The following SP140L variants were observed in gnomAD, a reference collection of about 807,000 sequenced individuals.
SP140L encodes SP140 like nuclear body protein.
SP140L carries 64 observed loss-of-function variants against 84.3 expected under a neutral mutation model. The ratio of observed to expected loss-of-function variants is 0.76; its 90% confidence interval spans 0.62 to 0.94. The LOEUF is 0.94. Among genes scored for constraint, SP140L ranks in the 40% least tolerant of loss-of-function variants. The pLI, the probability that SP140L is intolerant of heterozygous loss-of-function variation, is 0.00. For missense variants in SP140L, 628 were observed against 692.5 expected, an observed-to-expected ratio of 0.91 and a Z score of 1.05; for synonymous variants, 242 against 236.9, an observed-to-expected ratio of 1.02 and a Z score of -0.20.
chr2:230,346,024 G>T (rs1269000178), intron 2 of SP140L, among the ~76,000 whole-genome samples: 1 of 152,128 alleles, frequency 6.6e-6, no homozygotes, highest in Non-Finnish European at 1.5e-5. Context: ...ATTGCAGCTT[G>T]AAGAACTAGA....
chr2:230,402,672 A>G (rs888991206), intron 18 of SP140L, 126 bp from the exon 19 acceptor site: 4 of 712,730 alleles, frequency 5.6e-6, no homozygotes, highest in Admixed American at 6.3e-5. Context: ...AATACATACC[A>G]TTATAAATTG....
chr2:230,388,806 A>T (rs2061691163), intron 10 of SP140L, 173 bp downstream of exon 10: 1 of 640,316 alleles, frequency 1.6e-6, no homozygotes, highest in Admixed American at 3.7e-5. Flanking sequence ...GAAAGAAGGA[A>T]GTAAGTTGGT....
At chr2:230,351,657 G>A (rs938913628) in intron 2 of SP140L, among the ~76,000 whole-genome samples, 1 of 151,572 alleles carries the variant, frequency 6.6e-6, no homozygotes, top group African/African-American at 2.4e-5. Flanking sequence ...TTTTATCCAG[G>A]TTTTTTTTCG....
intron 1 of SP140L, among the ~76,000 whole-genome samples, 171 bp downstream of exon 1, chr2:230,327,472 T>C (rs1338664851): frequency 6.6e-6 from 1 of 152,238 alleles, no homozygotes; most frequent in Non-Finnish European, 1.5e-5. Context: ...ATCAGATTTT[T>C]ACAACTGCAG....
At chr2:230,370,730 T>C (rs2061037571) in intron 5 of SP140L, among the ~76,000 whole-genome samples, 178 bp from the exon 6 acceptor site, 1 of 151,560 alleles carries the variant, frequency 6.6e-6, no homozygotes, top group East Asian at 1.9e-4. Flanking sequence ...GAGTCAAATA[T>C]AGGGAGGAGA....
chr2:230,374,461 G>A (rs58931874), intron 7 of SP140L, among the ~76,000 whole-genome samples: 3,916 of 152,296 alleles, frequency 0.026, 181 homozygotes, highest in African/African-American at 0.089. Context: ...GAAAGATGCT[G>A]TGAACATTGT....
At chr2:230,379,825 G>A (rs976812946) in intron 7 of SP140L, among the ~76,000 whole-genome samples, 16 of 152,090 alleles carry the variant, frequency 1.1e-4, no homozygotes, top group African/African-American at 3.6e-4. Context: ...TTCTTTTATT[G>A]TAACTATAAC....
intron 2 of SP140L, among the ~76,000 whole-genome samples, chr2:230,335,694 G>A (rs2059850523): frequency 6.6e-6 from 1 of 152,170 alleles, no homozygotes; most frequent in Non-Finnish European, 1.5e-5. Context: ...ACTAATGTCA[G>A]ATGGGAGAGA....
At chr2:230,387,741 A>G (rs1259396202) in intron 9 of SP140L, among the ~76,000 whole-genome samples, 1 of 152,206 alleles carries the variant, frequency 6.6e-6, no homozygotes, top group East Asian at 1.9e-4. Context: ...ACTCACAGCC[A>G]ATTAACATGC....
intron 13 of SP140L, among the ~76,000 whole-genome samples, chr2:230,395,698 T>C (rs995924735): frequency 6.6e-6 from 1 of 152,234 alleles, no homozygotes; most frequent in East Asian, 1.9e-4. Flanking sequence ...ACCTCTCAGG[T>C]GCTTGTGCTT....
At chr2:230,400,727 A>C (rs2062291823) in intron 15 of SP140L, 9 of 981,466 alleles carry the variant, frequency 9.2e-6, no homozygotes, top group Admixed American at 4.9e-5. Flanking sequence ...GTCCCCACTC[A>C]CGGTGACACC....
Position 230,327,321 on chromosome 2 carries a change from C to G in SP140L, c.32+20C>G. On this transcript the variant is annotated intron_variant, in intron 1 of 18. Transcript: ENST00000415673. ...CACCAGGTGAGTCTTTATCTCTCTT[C>G]CTTTCACCTTTATCTCTGGCAGTAT... is the stretch of plus-strand genomic sequence containing the variant. 1 of 1,606,734 alleles carries G rather than the reference C, an allele frequency of 6.2e-7. No homozygotes were observed. The highest frequency in any genetic ancestry group is 8.5e-7 in the Non-Finnish European group (1 of 1,176,502).
chr2:230,389,402 A>G lies in SP140L; in HGVS notation c.860-517A>G, dbSNP rs575162545. Among the ~76,000 whole-genome samples the G allele has an allele frequency of 2.0e-5, 3 of 152,234 alleles. No homozygotes were observed. In the South Asian group the frequency reaches 6.2e-4, roughly 32 times the overall value. On this transcript the variant is annotated intron_variant, in intron 10 of 18. Transcript: ENST00000415673. Reference sequence around the variant, plus strand: ...TGAGCTCCTTTCTCAGCTGTGGAGAAAGCTGATAGGAGGGGAAAATGGAGC... The same window carrying G: ...TGAGCTCCTTTCTCAGCTGTGGAGAGAGCTGATAGGAGGGGAAAATGGAGC...
chr2:230,375,696 C>T (rs957736160), intron 7 of SP140L, among the ~76,000 whole-genome samples: 1 of 152,104 alleles, frequency 6.6e-6, no homozygotes, highest in Admixed American at 6.6e-5. Flanking sequence ...TATATGTCTT[C>T]TTTGGGAAAA....
intron 2 of SP140L, among the ~76,000 whole-genome samples, chr2:230,348,828 A>G (rs2060283141): frequency 6.6e-6 from 1 of 152,232 alleles, no homozygotes. Flanking sequence ...TTTTCTTACA[A>G]AAGTCCTGCC....
intron 14 of SP140L, among the ~76,000 whole-genome samples, chr2:230,397,439 G>A (rs185516059): frequency 2.4e-4 from 37 of 152,112 alleles, no homozygotes; most frequent in African/African-American, 8.5e-4. Flanking sequence ...AAATCCTGAG[G>A]CATTTTAACT....
chr2:230,386,710 T>C (rs2061597317), intron 9 of SP140L, among the ~76,000 whole-genome samples: 1 of 152,222 alleles, frequency 6.6e-6, no homozygotes, highest in Non-Finnish European at 1.5e-5. Context: ...GACTTCATGT[T>C]GTTTCTTTTT....
chr2:230,376,649 A>T (rs1402546581), intron 7 of SP140L, among the ~76,000 whole-genome samples: 1 of 152,204 alleles, frequency 6.6e-6, no homozygotes, highest in Admixed American at 6.5e-5. Flanking sequence ...CATACCATCC[A>T]AAGTGATCTG....
intron 7 of SP140L, among the ~76,000 whole-genome samples, chr2:230,380,670 C>A (rs1303043276): frequency 6.6e-6 from 1 of 152,240 alleles, no homozygotes; most frequent in Admixed American, 6.5e-5. Flanking sequence ...AATCACTACT[C>A]TTTGTTTTTC....
Sources: allele counts gnomAD v4.1 joint callset (sites outside exome capture counted in the v4.1 genomes callset), GRCh38; gene constraint gnomAD v4.1.1; transcripts MANE v1.5; gene names NCBI Gene and HGNC (gene_info 2026-07-23, HGNC 2026-07-21).